PRKRA: variants seen among roughly 807,000 people sequenced by gnomAD.
PRKRA encodes protein activator of interferon induced protein kinase EIF2AK2, also known as interferon-inducible double-stranded RNA-dependent protein kinase activator A.
Under a neutral mutation model 32.4 loss-of-function variants are expected in PRKRA, and 22 were observed. That is an observed-to-expected ratio of 0.68 (90% CI 0.49 to 0.97). The LOEUF (loss-of-function observed/expected upper bound fraction) is 0.97. PRKRA is among the 50% of genes least tolerant of loss of function. The probability of loss-of-function intolerance (pLI) is 0.00; values close to 1 mark genes in which losing one functional copy is unlikely to be tolerated. For synonymous variants in PRKRA, 139 were observed against 129.8 expected (o/e 1.07, Z -0.48); for missense variants, 319 against 375.6 (o/e 0.85, Z 1.25).
intron 6 of PRKRA, among the ~76,000 whole-genome samples, chr2:178,440,769 C>T (rs574486977): frequency 1.3e-5 from 2 of 152,322 alleles, no homozygotes; most frequent in South Asian, 4.1e-4. Context: ...CACTCACTTA[C>T]CATAATGCAG....
chr2:178,439,280 C>A (rs1475615288), intron 6 of PRKRA: 1 of 152,162 alleles, frequency 6.6e-6, no homozygotes. Flanking sequence ...AAGTGATACA[C>A]ACATACAGCA....
At chr2:178,448,685 C>G (rs987068150) in intron 2 of PRKRA, among the ~76,000 whole-genome samples, 2 of 152,114 alleles carry the variant, frequency 1.3e-5, no homozygotes, top group African/African-American at 4.8e-5. Flanking sequence ...AGCTACAATC[C>G]AAGTGAGAGA....
At chr2:178,436,474 AGAC>A (rs1470754871) in intron 6 of PRKRA, among the ~76,000 whole-genome samples, 155 bp from the exon 7 acceptor site, 6 of 152,256 alleles carry the variant, frequency 3.9e-5, no homozygotes, top group Admixed American at 6.5e-5. Context: ...AATTTAAACA[AGAC>A]AACATTAAAA....
chr2:178,447,724 ACTGT>A, intron 2 of PRKRA, 138 bp from the exon 3 acceptor site: 1 of 863,128 alleles, frequency 1.2e-6, no homozygotes, highest in African/African-American at 1.7e-5. Context: ...TACGTTATAT[ACTGT>A]ACATAAAAAT....
Position 178,451,119 on chromosome 2 carries a change from C to T in PRKRA, c.-89G>A. On this transcript the variant is annotated 5_prime_UTR_variant, in exon 1 of 8. Transcript: ENST00000325748. ...GGTCGCTGGTCCCCGGGAGGAGCTC[C>T]AGCGCCGCCACCTCCTCCGACTCCC... is the stretch of plus-strand genomic sequence containing the variant. The T allele has an allele frequency of 7.0e-7, 1 of 1,428,962 alleles. No individual in the cohort carries two copies. Among genetic ancestry groups the T allele is most frequent in the East Asian group, 2.7e-5 (1 of 37,686 alleles). The allele number at this position is 1,428,962 out of a possible 1,614,324, so 88.5% of individuals were successfully genotyped here.
rs1470774275 is a variant in PRKRA at position 178,436,251 on chromosome 2, G to C, written c.678C>G (p.Ile226Met). 6.2e-7 allele frequency: 1 copy of C among 1,613,530 alleles called. No individual in the cohort carries two copies. Among genetic ancestry groups the C allele is most frequent in the Non-Finnish European group, 8.5e-7 (1 of 1,179,634 alleles). Residue 226 changes from isoleucine (I) to methionine (M), a missense_variant, in exon 7 of 8, where the codon ATC becomes ATG. Coordinates refer to ENST00000325748, the MANE Select transcript of PRKRA (RefSeq NM_003690.5). The stretch of plus-strand genomic sequence containing the variant: ...TAAGGAGGCTTCTTTTCAGTAAGTT[G>C]ATCTTTTCACCAGGAGAATTCCTCA... ...HSLRNSPGEK[I>M]NLLKRSLLSI...
At chr2:178,440,977 T>G (rs1461242183) in intron 6 of PRKRA, among the ~76,000 whole-genome samples, 2 of 152,192 alleles carry the variant, frequency 1.3e-5, no homozygotes, top group East Asian at 3.8e-4. Context: ...AACAAATCAC[T>G]TAGGGCTCCT....
At chr2:178,449,952 T>C in intron 2 of PRKRA, 2 of 492,620 alleles carry the variant, frequency 4.1e-6, no homozygotes, top group East Asian at 7.6e-5. Flanking sequence ...CCTCTAATTC[T>C]AAGAAGAACC....
intron 1 of PRKRA, 30 bp downstream of exon 1, chr2:178,450,936 C>T: frequency 6.4e-7 from 1 of 1,551,848 alleles, no homozygotes; most frequent in Non-Finnish European, 8.7e-7. Flanking sequence ...ACGCTCCCGG[C>T]CCTGGGGCCC....
At chr2:178,445,731 C>CT (rs1423521567) in intron 3 of PRKRA, 2 of 154,044 alleles carry the variant, frequency 1.3e-5, no homozygotes, top group East Asian at 1.9e-4. Flanking sequence ...TTTGGCATGT[C>CT]TTTTTTTTGT....
chr2:178,436,233 G>A lies in PRKRA; in HGVS notation c.696C>T (p.Ser232=). ...PGEKINLLKR[S]LLSIPNTDYI... is the part of the protein sequence containing the mutation. ...AATCTGTATTTGGAATACTAAGGAG[G>A]CTTCTTTTCAGTAAGTTGATCTTTT... Residue 232 remains serine (S), a synonymous_variant, in exon 7 of 8, where the codon AGC becomes AGT. Transcript: ENST00000325748. 1.2e-6 allele frequency: 2 copies of A among 1,613,176 alleles called. No homozygotes were observed. The highest frequency in any genetic ancestry group is 1.7e-6 in the Non-Finnish European group (2 of 1,179,208).
Position 178,451,104 on chromosome 2 carries a change from C to T in PRKRA, c.-74G>A, listed in dbSNP as rs1305302217. 4.7e-6 allele frequency: 7 copies of T among 1,485,936 alleles called. No individual in the cohort carries two copies. The highest frequency in any genetic ancestry group is 6.3e-6 in the Non-Finnish European group (7 of 1,112,408). The allele number at this position is 1,485,936 out of a possible 1,614,324, so 92.0% of individuals were successfully genotyped here. ...CGTGCTCGCTCCCCGGGTCGCTGGTCCCCGGGAGGAGCTCCAGCGCCGCCA... is the reference window on the plus strand; with the variant it reads ...CGTGCTCGCTCCCCGGGTCGCTGGTTCCCGGGAGGAGCTCCAGCGCCGCCA... On this transcript the variant is annotated 5_prime_UTR_variant, in exon 1 of 8. Transcript: ENST00000325748.
Position 178,444,449 on chromosome 2 carries a change from G to A in PRKRA, c.369C>T (p.Asn123=). 3 of 1,605,262 alleles carry A rather than the reference G, an allele frequency of 1.9e-6. No homozygotes were observed. Among genetic ancestry groups the A allele is most frequent in the Non-Finnish European group, 2.6e-6 (3 of 1,172,132 alleles). The change falls in exon 4 of 8, where the codon AAC becomes AAT. Residue 123 remains asparagine (N), a synonymous_variant. Coordinates refer to ENST00000325748, the MANE Select transcript of PRKRA (RefSeq NM_003690.5). ...GTAATGAACCAATAGGATTAAGCTGGTTCTTTGGTTGCTTGGAAGGGTCAG... is the reference window on the plus strand; with the variant it reads ...GTAATGAACCAATAGGATTAAGCTGATTCTTTGGTTGCTTGGAAGGGTCAG... ...LMPDPSKQPK[N]QLNPIGSLQE...
intron 3 of PRKRA, among the ~76,000 whole-genome samples, chr2:178,445,169 G>T (rs1697269495): frequency 6.6e-6 from 1 of 152,164 alleles, no homozygotes; most frequent in African/African-American, 2.4e-5. Flanking sequence ...AGATGAATTT[G>T]GTTTTAGCAA....
At position 178,450,854 on chromosome 2, in the gene PRKRA, T is replaced by C. The variant is rs868449669; in HGVS notation, c.65+112A>G. 2.5e-4 allele frequency: 316 copies of C among 1,288,718 alleles called. No homozygotes were observed. In the African/African-American group the frequency reaches 4.0e-3, roughly 16 times the overall value. The allele number at this position is 1,288,718 out of a possible 1,614,324, so 79.8% of individuals were successfully genotyped here. On this transcript the variant is annotated intron_variant, in intron 1 of 7. Transcript: ENST00000325748. Reference sequence around the variant, plus strand: ...CCGAGCACCCACAGCCGCGGAGGCGTGGGCGCCGGGCACGGCTTTACCCAG... The same window carrying C: ...CCGAGCACCCACAGCCGCGGAGGCGCGGGCGCCGGGCACGGCTTTACCCAG...
Position 178,439,585 on chromosome 2 carries a change from G to A in PRKRA, c.609+2025C>T, listed in dbSNP as rs1438093858. ...TTTATCTCCTCTTATTTCCAACTTC[G>A]TACTGTTTTCTCTTGTCTAATTTGT... On this transcript the variant is annotated intron_variant, in intron 6 of 7. Transcript: ENST00000325748. 2.0e-5 allele frequency: 3 copies of A among 151,976 alleles called. No individual in the cohort carries two copies. The South Asian group carries it at 6.2e-4, about 32-fold the overall frequency. The allele number at this position is 151,976 out of a possible 1,614,324, so 9.4% of individuals were successfully genotyped here.
At chr2:178,447,699 G>T in intron 2 of PRKRA, 113 bp from the exon 3 acceptor site, 1 of 982,640 alleles carries the variant, frequency 1.0e-6, no homozygotes, top group Non-Finnish European at 1.4e-6. Flanking sequence ...ACACATACTA[G>T]GTAATAAAAA....
At position 178,450,342 on chromosome 2, in the gene PRKRA, C is replaced by T. The variant is rs1575104199; in HGVS notation, c.135G>A (p.Lys45=). Residue 45 remains lysine, a synonymous_variant, in exon 2 of 8, where the codon AAG becomes AAA. Coordinates refer to ENST00000325748, the MANE Select transcript of PRKRA (RefSeq NM_003690.5). ...ATTCATAAACTGGGATGTTCTTGGT[C>T]TTCATGCCGTATTCGTGTAATACCT... ...PIQVLHEYGM[K]TKNIPVYECE... 6.2e-7 allele frequency: 1 copy of T among 1,614,262 alleles called. No individual in the cohort carries two copies. The highest frequency in any genetic ancestry group is 8.5e-7 in the Non-Finnish European group (1 of 1,180,050).
rs538381499 is a variant in PRKRA, at chr2:178,447,659, CACAAA to C, written c.236-78_236-74del. ...GCAGCTTACAAAGATGTTTTCAATA[CACAAA>C]ACAAAGTCACTATAGATTTTACATA... On this transcript the variant is annotated intron_variant, in intron 2 of 7. Transcript: ENST00000325748. 408 of 1,545,306 alleles carry C rather than the reference CACAAA, an allele frequency of 2.6e-4. 6 individuals carry two copies. In the South Asian group the frequency reaches 3.9e-3, roughly 15 times the overall value.
Sources: allele counts gnomAD v4.1 joint callset (sites outside exome capture counted in the v4.1 genomes callset), GRCh38; gene constraint gnomAD v4.1.1; transcripts MANE v1.5; gene names NCBI Gene and HGNC (gene_info 2026-07-23, HGNC 2026-07-21).